PGAP2: variants seen among roughly 807,000 people sequenced by gnomAD.
PGAP2 encodes acyltransferase PGAP2.
A neutral mutation model predicts 33.2 loss-of-function variants in PGAP2; 21 were observed. The observed-to-expected ratio is 0.63, with a 90% CI of 0.45 to 0.91. PGAP2 has a LOEUF of 0.91. PGAP2 is among the 40% of genes least tolerant of loss of function. The pLI, the probability that PGAP2 is intolerant of heterozygous loss-of-function variation, is 0.00. For synonymous variants in PGAP2, 161 were observed against 172.9 expected, an observed-to-expected ratio of 0.93 and a Z score of 0.54; for missense variants, 345 against 424.0, an observed-to-expected ratio of 0.81 and a Z score of 1.64.
chr11:3,808,758 T>G, intron 1 of PGAP2, 107 bp downstream of exon 1: 1 of 391,234 alleles, frequency 2.6e-6, no homozygotes, highest in Non-Finnish European at 3.6e-6. Flanking sequence ...GGAGTCCTGG[T>G]ACCTGCCGTC....
chr11:3,823,988 G>T lies in PGAP2; in HGVS notation c.454G>T (p.Val152Leu). The change falls in exon 4 of 7, where the codon GTG becomes TTG. Residue 152 changes from valine to leucine, a missense_variant. Transcript: ENST00000278243. ...IGLHSAPRFL[V>L]AFAYWNHYLS... Reference sequence around the variant, plus strand: ...CCTGCACTCGGCGCCTCGCTTCTTGGTGGCCTTCGCCTACTGGAACCACTA... The same window carrying T: ...CCTGCACTCGGCGCCTCGCTTCTTGTTGGCCTTCGCCTACTGGAACCACTA... 1 of 1,613,538 alleles carries T rather than the reference G, an allele frequency of 6.2e-7. No individual in the cohort carries two copies. The highest frequency in any genetic ancestry group is 1.7e-5 in the Admixed American group (1 of 60,026).
At chr11:3,821,916 T>G (rs1590375466) in intron 3 of PGAP2, among the ~76,000 whole-genome samples, 1 of 131,812 alleles carries the variant, frequency 7.6e-6, no homozygotes, top group Admixed American at 7.6e-5. Context: ...AAAAAAAAAA[T>G]CCAAAAAATT....
upstream of PGAP2, among the ~76,000 whole-genome samples, chr11:3,805,813 A>G (rs1263746721): frequency 6.6e-6 from 1 of 151,820 alleles, no homozygotes; most frequent in Non-Finnish European, 1.5e-5. Flanking sequence ...CAGCCTCCCA[A>G]GTAGCTGGGA....
chr11:3,823,121 C>T, intron 3 of PGAP2: 1 of 559,360 alleles, frequency 1.8e-6, no homozygotes, highest in Non-Finnish European at 3.1e-6. Context: ...ACTGCAAGCT[C>T]CGCTTCCCAG....
intron 3 of PGAP2, among the ~76,000 whole-genome samples, chr11:3,819,056 T>C (rs1332774546): frequency 6.6e-6 from 1 of 152,128 alleles, no homozygotes; most frequent in East Asian, 1.9e-4. Flanking sequence ...CTTTACATAT[T>C]TATTTATTTA....
At chr11:3,802,603 G>A (rs1690966303) in intron 1 of PGAP2, among the ~76,000 whole-genome samples, 1 of 152,162 alleles carries the variant, frequency 6.6e-6, no homozygotes, top group African/African-American at 2.4e-5. Context: ...CTCACTGTAT[G>A]CAGCTGTGAA....
At chr11:3,822,236 C>T (rs893800518) in intron 3 of PGAP2, among the ~76,000 whole-genome samples, 3 of 152,092 alleles carry the variant, frequency 2.0e-5, no homozygotes, top group South Asian at 2.1e-4. Context: ...TGGTGACGGG[C>T]GCCTGTAGTC....
chr11:3,806,602 T>G (rs1361224889), upstream of PGAP2, among the ~76,000 whole-genome samples: 3 of 152,156 alleles, frequency 2.0e-5, no homozygotes, highest in East Asian at 1.9e-4. Context: ...AAATGCTAAG[T>G]GGCATTAACA....
Position 3,817,369 on chromosome 11 carries a change from T to A in PGAP2, c.182T>A (p.Met61Lys). ...GCTGCTTAGGCCACGCCCTGCAGGA[T>A]GTTCTCTGCGGCCTCCCAGCCTTTG... ...ATHCGATPCRMFSAASQPLDP... is the reference protein window; with the variant it reads ...ATHCGATPCRKFSAASQPLDP... Residue 61 changes from methionine (M) to lysine (K), a missense_variant, in exon 3 of 7, where the codon ATG becomes AAG. By Grantham distance (95) the Met-to-Lys change is moderately conservative (BLOSUM62 -1). Transcript: ENST00000278243. 6.2e-7 allele frequency: 1 copy of A among 1,613,388 alleles called. No individual in the cohort carries two copies. The highest frequency in any genetic ancestry group is 8.5e-7 in the Non-Finnish European group (1 of 1,179,404).
intron 1 of PGAP2, among the ~76,000 whole-genome samples, chr11:3,798,801 G>T (rs1253491441): frequency 1.3e-5 from 2 of 150,744 alleles, no homozygotes; most frequent in Admixed American, 1.3e-4. Flanking sequence ...TCGCCGCCGC[G>T]CCCAGCTGAT....
intron 1 of PGAP2, among the ~76,000 whole-genome samples, chr11:3,801,962 AT>A (rs1209205077): frequency 1.2e-4 from 19 of 152,030 alleles, no homozygotes; most frequent in Non-Finnish European, 2.4e-4. Flanking sequence ...AAATAAATAA[AT>A]AAATAAATAA....
At chr11:3,798,801 G>A (rs1253491441) in intron 1 of PGAP2, among the ~76,000 whole-genome samples, 2 of 150,744 alleles carry the variant, frequency 1.3e-5, no homozygotes, top group Non-Finnish European at 2.9e-5. Context: ...TCGCCGCCGC[G>A]CCCAGCTGAT....
chr11:3,825,968 T>A lies in PGAP2; in HGVS notation c.*510T>A, dbSNP rs1251708094. 6.2e-6 allele frequency: 1 copy of A among 160,072 alleles called. No individual in the cohort carries two copies. The highest frequency in any genetic ancestry group is 1.4e-5 in the Non-Finnish European group (1 of 71,968). 9.9% of individuals were successfully genotyped at this position (160,072 alleles called of 1,614,324 possible). A position where few individuals can be genotyped will look rare whatever the true frequency, so the allele number is the denominator to read the frequency against. On this transcript the variant is annotated 3_prime_UTR_variant, in exon 7 of 7. Coordinates refer to ENST00000278243, the MANE Select transcript of PGAP2 (RefSeq NM_014489.4). ...CTAGTCCTGACTTCACCTTTTTGAT[T>A]TGGTGTGTGCCCTAGGGTATGTACC...
Position 3,816,982 on chromosome 11 carries a change from GAAT to G in PGAP2, c.166-365_166-363del, listed in dbSNP as rs548210584. Among the ~76,000 whole-genome samples the G allele has an allele frequency of 6.1e-3, 924 of 152,276 alleles. 13 individuals are homozygous for G. Among genetic ancestry groups the G allele is most frequent in the Non-Finnish European group, 7.6e-3 (518 of 68,012 alleles). ...CTCAGTCTCCCCTTCTGTGAAATGG[GAAT>G]AATAACCTTTCTACCTCTGACCCTT... On this transcript the variant is annotated intron_variant, in intron 2 of 6. Transcript: ENST00000278243.
At chr11:3,801,602 A>G (rs2083459833) in intron 1 of PGAP2, among the ~76,000 whole-genome samples, 1 of 140,100 alleles carries the variant, frequency 7.1e-6, no homozygotes, top group Non-Finnish European at 1.5e-5. Context: ...AGATCGCGCC[A>G]CTGCACTCCA....
At chr11:3,798,202 C>G in intron 1 of PGAP2, 2 of 1,241,974 alleles carry the variant, frequency 1.6e-6, no homozygotes, top group Non-Finnish European at 2.1e-6. Flanking sequence ...CTTTCCCTCC[C>G]TGAATTTCTA....
In PGAP2 at chr11:3,802,968, A is replaced by G. The variant is rs532007318; in HGVS notation, c.139+4986A>G. On this transcript the variant is annotated intron_variant, in intron 1 of 6. Coordinates refer to the PGAP2 transcript ENST00000300730. ...CAGCCTCCCGAGTAGCTGGGACTAC[A>G]GGCGCCTGCCACCACACCCGGCTAA... Among the ~76,000 whole-genome samples, 264 of 147,358 alleles carry G rather than the reference A, an allele frequency of 1.8e-3. 1 individual carries two copies. Among genetic ancestry groups the G allele is most frequent in the African/African-American group, 6.2e-3 (247 of 40,024 alleles).
upstream of PGAP2, chr11:3,808,216 G>C: frequency 6.6e-7 from 1 of 1,516,706 alleles, no homozygotes; most frequent in South Asian, 1.2e-5. Flanking sequence ...GGTTAGAATG[G>C]AGGTGCGAGG....
chr11:3,823,414 G>A (rs893410568), intron 3 of PGAP2, among the ~76,000 whole-genome samples: 8 of 152,228 alleles, frequency 5.3e-5, no homozygotes, highest in African/African-American at 1.2e-4. Context: ...AGTGAGTGGC[G>A]CTGGGAGCAG....
Sources: gnomAD v4.1 joint callset for allele counts (sites outside exome capture counted in the v4.1 genomes callset) on GRCh38, gnomAD v4.1.1 for gene constraint, MANE v1.5 for transcripts, NCBI Gene and HGNC (gene_info 2026-07-23, HGNC 2026-07-21) for gene names.